The following SLC35G1 variants were observed in gnomAD, a reference collection of about 807,000 sequenced individuals.
SLC35G1 encodes the protein solute carrier family 35 member G1.
Under a neutral mutation model 17.1 loss-of-function variants are expected in SLC35G1, and 10 were observed. That is an observed-to-expected ratio of 0.59 (90% CI 0.36 to 0.99). SLC35G1 has a LOEUF of 0.99. Ranked by LOEUF, SLC35G1 falls within the 50% of genes least tolerant of loss-of-function variation. The pLI, the probability that SLC35G1 is intolerant of heterozygous loss-of-function variation, is 0.01. For missense variants in SLC35G1, 433 were observed against 468.4 expected (o/e 0.92, Z 0.70); for synonymous variants, 185 against 181.1 (o/e 1.02, Z -0.18).
chr10:93,898,777 G>A, intron 2 of SLC35G1, 26 bp downstream of exon 2: 1 of 1,580,508 alleles, frequency 6.3e-7, no homozygotes. Context: ...CTGCAAAGTA[G>A]AAGATATTAA....
chr10:93,901,488 T>C lies in SLC35G1; in HGVS notation c.1096T>C (p.Ter366ArgextTer16). 6.3e-7 allele frequency: 1 copy of C among 1,583,850 alleles called. No individual in the cohort carries two copies. Residue 366 changes from the stop codon to arginine (R), a stop_lost, in exon 3 of 3, where the codon TGA (stop) becomes CGA (arginine). Transcript: ENST00000427197. Reference sequence around the variant, plus strand: ...TCGTAAATGGTACCAAAGTTCCAAATGAAGCATCATTGCTGAAATACATAT... The same window carrying C: ...TCGTAAATGGTACCAAAGTTCCAAACGAAGCATCATTGCTGAAATACATAT... ...AIRKWYQSSK[*>R] is the part of the protein sequence containing the mutation.
chr10:93,905,320 AT>A (rs1364771496), downstream of SLC35G1, among the ~76,000 whole-genome samples: 6 of 152,060 alleles, frequency 3.9e-5, no homozygotes, highest in African/African-American at 1.4e-4. Context: ...GGGCATTAGA[AT>A]TTGGTTATAT....
chr10:93,894,734 C>T (rs2060314262), intron 1 of SLC35G1, among the ~76,000 whole-genome samples: 2 of 152,118 alleles, frequency 1.3e-5, no homozygotes, highest in African/African-American at 2.4e-5. Context: ...TTTAGGGATA[C>T]AAGGACTTTT....
rs1469339168 is a variant in SLC35G1 at position 93,901,565 on chromosome 10, G to T, written c.*75G>T. The T allele has an allele frequency of 7.0e-7, 1 of 1,430,318 alleles. No homozygotes were observed. Among genetic ancestry groups the T allele is most frequent in the Non-Finnish European group, 9.2e-7 (1 of 1,083,248 alleles). 88.6% of individuals were successfully genotyped at this position (1,430,318 alleles called of 1,614,324 possible). A position where few individuals can be genotyped will look rare whatever the true frequency, so the allele number is the denominator to read the frequency against. On this transcript the variant is annotated 3_prime_UTR_variant, in exon 3 of 3. Coordinates refer to ENST00000427197, the MANE Select transcript of SLC35G1 (RefSeq NM_001134658.3). ...TCACATACAGCATACGCACACATCTGGAAAATCTGCATTTTCTTCATTGGT... is the reference window on the plus strand; with the variant it reads ...TCACATACAGCATACGCACACATCTTGAAAATCTGCATTTTCTTCATTGGT...
chr10:93,900,728 G>A, intron 2 of SLC35G1, 24 bp from the exon 3 acceptor site: 2 of 1,505,244 alleles, frequency 1.3e-6, no homozygotes, highest in South Asian at 1.4e-5. Flanking sequence ...CATTTAATAT[G>A]CATTTCTTCA....
chr10:93,900,593 T>A (rs547728105), intron 2 of SLC35G1, among the ~76,000 whole-genome samples, 159 bp from the exon 3 acceptor site: 1 of 152,306 alleles, frequency 6.6e-6, no homozygotes, highest in African/African-American at 2.4e-5. Flanking sequence ...ATACTATTTT[T>A]AAAAAGTATA....
At chr10:93,899,854 G>C (rs2060366257) in intron 2 of SLC35G1, among the ~76,000 whole-genome samples, 1 of 152,152 alleles carries the variant, frequency 6.6e-6, no homozygotes, top group Non-Finnish European at 1.5e-5. Context: ...AAGGACACTG[G>C]AAGAATGTTG....
chr10:93,904,789 A>G (rs1038742705), downstream of SLC35G1, among the ~76,000 whole-genome samples: 2 of 152,208 alleles, frequency 1.3e-5, no homozygotes, highest in Non-Finnish European at 1.5e-5. Flanking sequence ...CTTATAGACT[A>G]TTAAGAAGGA....
downstream of SLC35G1, chr10:93,908,629 A>G (rs1181771084): frequency 6.6e-6 from 1 of 152,192 alleles, no homozygotes; most frequent in Non-Finnish European, 1.5e-5. Context: ...CTTCCGATCT[A>G]CTAATTAACA....
At chr10:93,900,117 A>G (rs991275181) in intron 2 of SLC35G1, among the ~76,000 whole-genome samples, 14 of 152,228 alleles carry the variant, frequency 9.2e-5, no homozygotes, top group Non-Finnish European at 2.9e-5. Flanking sequence ...AGCAGTAATC[A>G]TACTTTTCCA....
chr10:93,897,507 AC>A (rs1174642362), intron 1 of SLC35G1, among the ~76,000 whole-genome samples: 2 of 152,068 alleles, frequency 1.3e-5, no homozygotes, highest in African/African-American at 4.8e-5. Context: ...TTTCCTTCTT[AC>A]CCTCAACCCT....
chr10:93,904,646 G>A (rs560356999), downstream of SLC35G1, among the ~76,000 whole-genome samples: 24 of 152,212 alleles, frequency 1.6e-4, no homozygotes, highest in East Asian at 4.6e-3. Flanking sequence ...TGGAAGAGTG[G>A]GTAAAGCACT....
In SLC35G1 at chr10:93,902,844, T is replaced by C. The variant is rs2060402449; in HGVS notation, c.*1354T>C. 1 of 152,640 alleles carries C rather than the reference T, an allele frequency of 6.6e-6. No individual in the cohort carries two copies. Among genetic ancestry groups the C allele is most frequent in the African/African-American group, 2.4e-5 (1 of 41,448 alleles). The allele number at this position is 152,640 out of a possible 1,614,324, so 9.5% of individuals were successfully genotyped here. ...TACACCTGGAACTTCATCAGACCAA[T>C]ACTTTGCAGTTAGAGAGAATTTAAT... On this transcript the variant is annotated 3_prime_UTR_variant, in exon 3 of 3. Coordinates refer to ENST00000427197, the MANE Select transcript of SLC35G1 (RefSeq NM_001134658.3).
intron 1 of SLC35G1, among the ~76,000 whole-genome samples, chr10:93,897,793 T>G (rs978863920): frequency 6.6e-6 from 1 of 152,244 alleles, no homozygotes; most frequent in Non-Finnish European, 1.5e-5. Context: ...TAGATGGCAG[T>G]TCTGTACAAA....
At chr10:93,899,719 A>G (rs1020234655) in intron 2 of SLC35G1, among the ~76,000 whole-genome samples, 1 of 152,200 alleles carries the variant, frequency 6.6e-6, no homozygotes, top group Non-Finnish European at 1.5e-5. Context: ...ATTTCTGTCA[A>G]TGCGGACAAG....
At chr10:93,905,609 A>G (rs1416979283), downstream of SLC35G1, among the ~76,000 whole-genome samples, 1 of 152,190 alleles carries the variant, frequency 6.6e-6, no homozygotes, top group Non-Finnish European at 1.5e-5. Context: ...CAAGAGGGTA[A>G]GGAGAAGACA....
chr10:93,901,031 G>A lies in SLC35G1; in HGVS notation c.639G>A (p.Gly213=), dbSNP rs370628995. 9.9e-6 allele frequency: 16 copies of A among 1,614,124 alleles called. No individual in the cohort carries two copies. The highest frequency in any genetic ancestry group is 1.4e-5 in the Non-Finnish European group (16 of 1,179,994). ...PPFLFGSDTS[G]MEESYSGHLK... ...TTTTGTTTGGTTCCGACACTTCGGG[G>A]ATGGAAGAAAGCTATTCAGGCCACC... Residue 213 remains glycine (G), a synonymous_variant, in exon 3 of 3, where the codon GGG becomes GGA. Transcript: ENST00000427197.
downstream of SLC35G1, among the ~76,000 whole-genome samples, chr10:93,904,295 C>G (rs980732075): frequency 3.3e-5 from 5 of 152,166 alleles, no homozygotes; most frequent in African/African-American, 1.2e-4. Context: ...CACTCTGATT[C>G]CTGTCTCAGT....
downstream of SLC35G1, among the ~76,000 whole-genome samples, chr10:93,905,826 G>A (rs144146667): frequency 6.6e-6 from 1 of 152,180 alleles, no homozygotes; most frequent in East Asian, 1.9e-4. Flanking sequence ...TAGTTGCCAG[G>A]GTGGGGTCAG....
Sources: gnomAD v4.1 joint callset for allele counts (sites outside exome capture counted in the v4.1 genomes callset) on GRCh38, gnomAD v4.1.1 for gene constraint, MANE v1.5 for transcripts, NCBI Gene and HGNC (gene_info 2026-07-23, HGNC 2026-07-21) for gene names.